The following AQP1 variants were observed in gnomAD, a reference collection of about 807,000 sequenced individuals.
The protein encoded by AQP1 is aquaporin-1.
Under a neutral mutation model 19.7 loss-of-function variants are expected in AQP1, and 11 were observed. The observed-to-expected ratio is 0.56, with a 90% CI of 0.35 to 0.92. AQP1 has a LOEUF of 0.92. AQP1 is among the 40% of genes least tolerant of loss of function. The pLI is 0.01. For synonymous variants in AQP1, 159 were observed against 166.7 expected, an observed-to-expected ratio of 0.95 and a Z score of 0.36; for missense variants, 320 against 369.7, an observed-to-expected ratio of 0.87 and a Z score of 1.10.
rs1250414367 is a variant in AQP1 at position 30,912,418 on chromosome 7, T to C, written c.384+125T>C. 2 of 1,399,106 alleles carry C rather than the reference T, an allele frequency of 1.4e-6. No individual in the cohort carries two copies. The highest frequency in any genetic ancestry group is 1.9e-6 in the Non-Finnish European group (2 of 1,037,320). The allele number at this position is 1,399,106 out of a possible 1,614,324, so 86.7% of individuals were successfully genotyped here. ...GGAGAGGACAAGAGGTTGCTGGAGG[T>C]CACGTAGAGAGCTGGGGGGAAGAGC... On this transcript the variant is annotated intron_variant, in intron 1 of 3. Coordinates refer to ENST00000311813, the MANE Select transcript of AQP1 (RefSeq NM_198098.4). This position sits in a 1 kb window ranked among gnomAD's most constrained non-coding sequence, Gnocchi z 4.3.
chr7:30,915,991 C>T (rs1018401850), intron 1 of AQP1, among the ~76,000 whole-genome samples: 7 of 152,156 alleles, frequency 4.6e-5, no homozygotes, highest in South Asian at 2.1e-4. Flanking sequence ...TTACTGTTTC[C>T]GCCAGCCCCA....
At position 30,922,057 on chromosome 7, in the gene AQP1, C is replaced by A. The variant is rs753397780; in HGVS notation, c.385-9C>A. The stretch of plus-strand genomic sequence containing the variant: ...CCTCACCAGTCCTCACCACCTCTCT[C>A]CCCTGCAGCTGGCTGATGGTGTGAA... On this transcript the variant is annotated splice_polypyrimidine_tract_variant and intron_variant, in intron 1 of 3. Coordinates refer to ENST00000311813, the MANE Select transcript of AQP1 (RefSeq NM_198098.4). The A allele has an allele frequency of 6.2e-7, 1 of 1,613,806 alleles. No individual in the cohort carries two copies. The highest frequency in any genetic ancestry group is 8.5e-7 in the Non-Finnish European group (1 of 1,180,024).
In AQP1 at chr7:30,914,199, C is replaced by T. The variant is rs28362700; in HGVS notation, c.384+1906C>T. Among the ~76,000 whole-genome samples the T allele has an allele frequency of 7.0e-3, 1,067 of 152,278 alleles. 11 individuals carry two copies. Among genetic ancestry groups the T allele is most frequent in the South Asian group, 0.019 (94 of 4,826 alleles). On this transcript the variant is annotated intron_variant, in intron 1 of 3. Coordinates refer to ENST00000311813, the MANE Select transcript of AQP1 (RefSeq NM_198098.4). ...TAGTCACCCCAATACTTGGGCTGGG[C>T]GTGTTGCAAATGGGAGAGAAAGAGG... is the stretch of plus-strand genomic sequence containing the variant.
At position 30,923,929 on chromosome 7, in the gene AQP1, G is replaced by A. The variant is rs1458165993; in HGVS notation, c.*300G>A. 2 of 1,439,364 alleles carry A rather than the reference G, an allele frequency of 1.4e-6. No homozygotes were observed. The highest frequency in any genetic ancestry group is 9.3e-7 in the Non-Finnish European group (1 of 1,079,676). The allele number at this position is 1,439,364 out of a possible 1,614,324, so 89.2% of individuals were successfully genotyped here. ...TGCTAGTCGCCCCTCAGAGCATGAT[G>A]GGAGGTGTGCCAGAAAGTCCCCCCT... On this transcript the variant is annotated 3_prime_UTR_variant, in exon 4 of 4. Coordinates refer to ENST00000311813, the MANE Select transcript of AQP1 (RefSeq NM_198098.4). This position sits in a 1 kb window ranked among gnomAD's most constrained non-coding sequence, Gnocchi z 4.8.
Position 30,923,907 on chromosome 7 carries a change from T to C in AQP1, c.*278T>C. The C allele has an allele frequency of 6.9e-7, 1 of 1,459,348 alleles. No individual in the cohort carries two copies. The highest frequency in any genetic ancestry group is 9.2e-7 in the Non-Finnish European group (1 of 1,092,752). The allele number at this position is 1,459,348 out of a possible 1,614,324, so 90.4% of individuals were successfully genotyped here. On this transcript the variant is annotated 3_prime_UTR_variant, in exon 4 of 4. Transcript: ENST00000311813. This position sits in a 1 kb window ranked among gnomAD's most constrained non-coding sequence, Gnocchi z 4.8. ...AGGTGAAAGAAAGGGACCCACCTGC[T>C]AGTCGCCCCTCAGAGCATGATGGGA... is the stretch of plus-strand genomic sequence containing the variant.
chr7:30,913,922 C>G lies in AQP1; in HGVS notation c.384+1629C>G, dbSNP rs572592682. 2.0e-5 allele frequency among the ~76,000 whole-genome samples: 3 copies of G among 152,278 alleles called. No homozygotes were observed. The South Asian group carries it at 6.2e-4, about 32-fold the overall frequency. On this transcript the variant is annotated intron_variant, in intron 1 of 3. Transcript: ENST00000311813. The stretch of plus-strand genomic sequence containing the variant: ...TCTGCTGGGTAGGGTCAAGCTCACA[C>G]TGAAGCTTGGCTGGGTATGATGGGC...
intron 1 of AQP1, among the ~76,000 whole-genome samples, chr7:30,919,556 C>CA (rs1791444834): frequency 7.2e-6 from 1 of 138,658 alleles, no homozygotes; most frequent in Admixed American, 7.2e-5. Context: ...CTGATTCTTA[C>CA]TTTTTTTTTT....
At chr7:30,914,046 G>A (rs1008739598) in intron 1 of AQP1, among the ~76,000 whole-genome samples, 1 of 152,206 alleles carries the variant, frequency 6.6e-6, no homozygotes, top group African/African-American at 2.4e-5. Flanking sequence ...GCACCTGCTG[G>A]CGAAGGCTTC....
intron 1 of AQP1, among the ~76,000 whole-genome samples, chr7:30,917,565 G>A (rs1791389895): frequency 6.6e-6 from 1 of 152,176 alleles, no homozygotes; most frequent in Non-Finnish European, 1.5e-5. Flanking sequence ...GACACAGGGA[G>A]ACAGTGAGGC....
chr7:30,915,559 G>A (rs537994869), intron 1 of AQP1, among the ~76,000 whole-genome samples: 8 of 152,200 alleles, frequency 5.3e-5, no homozygotes, highest in African/African-American at 1.4e-4. Context: ...TGGGAGGAGG[G>A]TGGTGAGGGC....
chr7:30,912,325 T>A lies in AQP1; in HGVS notation c.384+32T>A, dbSNP rs1238496706. The A allele has an allele frequency of 6.3e-7, 1 of 1,592,250 alleles. No homozygotes were observed. Among genetic ancestry groups the A allele is most frequent in the Admixed American group, 1.7e-5 (1 of 59,858 alleles). ...GGGGTGTCCCTGGGCTTGGGGGGGT[T>A]CTAGAATGATGCTGAAAGGCACTGG... On this transcript the variant is annotated intron_variant, in intron 1 of 3. Coordinates refer to ENST00000311813, the MANE Select transcript of AQP1 (RefSeq NM_198098.4). This position sits in a 1 kb window ranked among gnomAD's most constrained non-coding sequence, Gnocchi z 4.3.
At chr7:30,920,098 C>A (rs1791460077) in intron 1 of AQP1, among the ~76,000 whole-genome samples, 1 of 152,126 alleles carries the variant, frequency 6.6e-6, no homozygotes, top group African/African-American at 2.4e-5. Flanking sequence ...GGCTCTCGCA[C>A]CTGGTTAAGA....
At chr7:30,919,785 A>G (rs1409509667) in intron 1 of AQP1, among the ~76,000 whole-genome samples, 2 of 152,164 alleles carry the variant, frequency 1.3e-5, no homozygotes, top group African/African-American at 2.4e-5. Context: ...GCCCCTTCCA[A>G]TTCTGAATTA....
Position 30,923,794 on chromosome 7 carries a change from C to T in AQP1, c.*165C>T. Reference sequence around the variant, plus strand: ...AAGCCTCTTATGGGGGTGTTTCTATCTCTTTCTTTCTCTTTCTGTTTCCTG... The same window carrying T: ...AAGCCTCTTATGGGGGTGTTTCTATTTCTTTCTTTCTCTTTCTGTTTCCTG... On this transcript the variant is annotated 3_prime_UTR_variant, in exon 4 of 4. Transcript: ENST00000311813. The surrounding 1 kb of genome is among the most constrained non-coding windows in gnomAD (Gnocchi z 4.8). 1.3e-6 allele frequency: 2 copies of T among 1,509,494 alleles called. No individual in the cohort carries two copies. The highest frequency in any genetic ancestry group is 1.8e-6 in the Non-Finnish European group (2 of 1,127,874). 93.5% of individuals were successfully genotyped at this position (1,509,494 alleles called of 1,614,324 possible).
intron 1 of AQP1, among the ~76,000 whole-genome samples, chr7:30,919,478 C>A (rs1791441703): frequency 1.3e-5 from 2 of 151,564 alleles, no homozygotes; most frequent in African/African-American, 2.4e-5. Flanking sequence ...GTAATACTTG[C>A]ATTCACAAAA....
At chr7:30,920,258 C>T (rs924703773) in intron 1 of AQP1, among the ~76,000 whole-genome samples, 1 of 152,098 alleles carries the variant, frequency 6.6e-6, no homozygotes, top group Non-Finnish European at 1.5e-5. Context: ...TTAGGCCAAC[C>T]CTGGAGAGCA....
At chr7:30,916,811 G>A (rs780531896) in intron 1 of AQP1, among the ~76,000 whole-genome samples, 8 of 152,180 alleles carry the variant, frequency 5.3e-5, no homozygotes, top group Non-Finnish European at 1.0e-4. Context: ...CACGAAGAAG[G>A]GGCTGTCTCT....
chr7:30,914,641 A>T (rs1054779574), intron 1 of AQP1, among the ~76,000 whole-genome samples: 2 of 152,194 alleles, frequency 1.3e-5, no homozygotes, highest in Non-Finnish European at 2.9e-5. Flanking sequence ...CCTCAAGAGG[A>T]GCAGGGAACA....
intron 1 of AQP1, among the ~76,000 whole-genome samples, chr7:30,916,071 G>T (rs538218557): frequency 6.6e-6 from 1 of 152,180 alleles, no homozygotes; most frequent in African/African-American, 2.4e-5. Context: ...AAATCCTGAC[G>T]CTGCTTCCCC....
Sources: allele counts gnomAD v4.1 joint callset (sites outside exome capture counted in the v4.1 genomes callset), GRCh38; gene constraint gnomAD v4.1.1; non-coding constraint Gnocchi (gnomAD v3.1); transcripts MANE v1.5; gene names NCBI Gene and HGNC (gene_info 2026-07-23, HGNC 2026-07-21).